ALPK1: variants seen among roughly 807,000 people sequenced by gnomAD.
The protein encoded by ALPK1 is alpha-protein kinase 1.
In ALPK1, 110 loss-of-function variants were observed where a neutral mutation model predicts 120.6. That is an observed-to-expected ratio of 0.91 (90% CI 0.78 to 1.07). The LOEUF (loss-of-function observed/expected upper bound fraction) is 1.07. Among genes scored for constraint, ALPK1 ranks in the 50% least tolerant of loss-of-function variants. ALPK1 has a pLI of 0.00. For synonymous variants in ALPK1, 582 were observed against 560.3 expected (o/e 1.04, Z -0.55); for missense variants, 1,498 against 1,483.9 (o/e 1.01, Z -0.16).
chr4:112,357,735 C>A, intron 2 of ALPK1: 1 of 1,385,092 alleles, frequency 7.2e-7, no homozygotes, highest in South Asian at 1.2e-5. Flanking sequence ...AGTGCTTGTC[C>A]TCTTTGGGGA....
At chr4:112,389,172 G>A (rs1325426654) in intron 4 of ALPK1, among the ~76,000 whole-genome samples, 1 of 151,896 alleles carries the variant, frequency 6.6e-6, no homozygotes, top group Non-Finnish European at 1.5e-5. Flanking sequence ...AGCCTCCTGA[G>A]TAGCTGGGAC....
intron 1 of ALPK1, among the ~76,000 whole-genome samples, chr4:112,300,265 AATTCAGAAAT>A (rs1275996739): frequency 1.3e-5 from 2 of 152,138 alleles, no homozygotes; most frequent in African/African-American, 4.8e-5. Context: ...TATAGATATA[AATTCAGAAAT>A]ATTCTAAAAG....
chr4:112,352,078 A>G (rs1258893572), intron 2 of ALPK1, among the ~76,000 whole-genome samples: 3 of 152,198 alleles, frequency 2.0e-5, no homozygotes, highest in African/African-American at 4.8e-5. Flanking sequence ...CCACCTCTCA[A>G]TGGAGTCCCT....
Position 112,411,953 on chromosome 4 carries a change from C to T in ALPK1, c.403C>T (p.His135Tyr). ...ACTTCTGCAGGTCGCCAAAGGTCTC[C>T]ACAAGTTGCAGCCAGCCACGCCAAT... ...GKLLQVAKGLHKLQPATPIAP... is the reference protein window; with the variant it reads ...GKLLQVAKGLYKLQPATPIAP... Residue 135 changes from histidine to tyrosine, a missense_variant, in exon 5 of 16, where the codon CAC becomes TAC. By Grantham distance (83) the His-to-Tyr change is moderately conservative. Transcript: ENST00000650871. 3 of 1,614,180 alleles carry T rather than the reference C, an allele frequency of 1.9e-6. No homozygotes were observed. The highest frequency in any genetic ancestry group is 2.5e-6 in the Non-Finnish European group (3 of 1,180,020).
intron 10 of ALPK1, among the ~76,000 whole-genome samples, chr4:112,430,018 C>T (rs561311202): frequency 2.0e-5 from 3 of 152,248 alleles, no homozygotes; most frequent in South Asian, 2.1e-4. Context: ...CAGATGCATT[C>T]GGAAACCAAT....
At chr4:112,325,657 C>G (rs1468315843) in intron 2 of ALPK1, among the ~76,000 whole-genome samples, 1 of 152,184 alleles carries the variant, frequency 6.6e-6, no homozygotes, top group Non-Finnish European at 1.5e-5. Context: ...CAACTTTTAG[C>G]CTCCCTGCCC....
chr4:112,429,298 C>T, intron 10 of ALPK1, 45 bp downstream of exon 10: 1 of 1,482,630 alleles, frequency 6.7e-7, no homozygotes, highest in Non-Finnish European at 9.2e-7. Context: ...GGACCTCTCC[C>T]AGGGTGCTTT....
intron 2 of ALPK1, chr4:112,357,290 G>A (rs1465234209): frequency 1.5e-5 from 16 of 1,059,132 alleles, no homozygotes; most frequent in African/African-American, 3.1e-5. Context: ...CAACACAGCC[G>A]GACTGCAGAA....
intron 4 of ALPK1, among the ~76,000 whole-genome samples, chr4:112,399,400 C>T (rs1409684680): frequency 5.3e-5 from 8 of 152,092 alleles, no homozygotes; most frequent in Middle Eastern, 3.4e-3. Context: ...TTGTTAGCAA[C>T]CTTGAAAAGA....
intron 2 of ALPK1, among the ~76,000 whole-genome samples, chr4:112,319,782 A>G (rs1207090145): frequency 6.6e-6 from 1 of 152,074 alleles, no homozygotes; most frequent in Non-Finnish European, 1.5e-5. Context: ...CATATTCCTA[A>G]GTAATTTATT....
Position 112,431,005 on chromosome 4 carries a change from A to G in ALPK1, c.1458A>G (p.Thr486=), listed in dbSNP as rs754677755. 2 of 1,613,460 alleles carry G rather than the reference A, an allele frequency of 1.2e-6. No individual in the cohort carries two copies. The highest frequency in any genetic ancestry group is 1.7e-6 in the Non-Finnish European group (2 of 1,179,686). The stretch of plus-strand genomic sequence containing the variant: ...AAAATGAACAGAAAGATGCAAAAAC[A>G]GGAGTCTGCATCACTGCTCTAAAAA... The part of the protein sequence containing the change: ...NNKNEQKDAK[T]GVCITALKTE... Residue 486 remains threonine, a synonymous_variant, in exon 11 of 16, where the codon ACA becomes ACG. Transcript: ENST00000650871.
intron 4 of ALPK1, among the ~76,000 whole-genome samples, chr4:112,407,171 GT>G (rs999070221): frequency 1.0e-3 from 158 of 152,152 alleles, no homozygotes; most frequent in African/African-American, 3.7e-3. Context: ...AAGGGGAGTT[GT>G]TTTTTAAGGG....
intron 1 of ALPK1, among the ~76,000 whole-genome samples, chr4:112,303,737 T>G (rs1465229563): frequency 6.6e-6 from 1 of 152,022 alleles, no homozygotes; most frequent in Non-Finnish European, 1.5e-5. Context: ...TAATCATACT[T>G]TAAGTTCTAG....
At chr4:112,435,752 T>G (rs2148765897) in intron 12 of ALPK1, among the ~76,000 whole-genome samples, 1 of 152,302 alleles carries the variant, frequency 6.6e-6, no homozygotes, top group South Asian at 2.1e-4. Context: ...TGCTGAACCC[T>G]TTAGGGATCC....
At chr4:112,388,442 C>A (rs2148732757) in intron 4 of ALPK1, among the ~76,000 whole-genome samples, 1 of 152,256 alleles carries the variant, frequency 6.6e-6, no homozygotes, top group Non-Finnish European at 1.5e-5. Context: ...CATGAATAAG[C>A]TCTTGATTAA....
At chr4:112,388,497 G>C (rs772908039) in intron 4 of ALPK1, among the ~76,000 whole-genome samples, 40 of 152,054 alleles carry the variant, frequency 2.6e-4, no homozygotes, top group African/African-American at 8.7e-4. Flanking sequence ...TCCAGGTGCC[G>C]GTTTTTATAT....
chr4:112,371,877 T>C (rs1731425259), intron 2 of ALPK1, among the ~76,000 whole-genome samples: 1 of 152,222 alleles, frequency 6.6e-6, no homozygotes, highest in South Asian at 2.1e-4. Flanking sequence ...CAAATATTAT[T>C]TGGCAATAAA....
chr4:112,394,187 A>T (rs1732550543), intron 4 of ALPK1, among the ~76,000 whole-genome samples: 1 of 152,168 alleles, frequency 6.6e-6, no homozygotes, highest in Non-Finnish European at 1.5e-5. Flanking sequence ...CTGAATCTAC[A>T]TGACTGCCTG....
In ALPK1 at chr4:112,315,795, A is replaced by G. The variant is rs1728609232; in HGVS notation, c.-152-6A>G. On this transcript the variant is annotated splice_polypyrimidine_tract_variant and splice_region_variant and intron_variant, in intron 1 of 15. Coordinates refer to ENST00000650871, the MANE Select transcript of ALPK1 (RefSeq NM_025144.4). ...TCCTCTGTTTTTATGTCTTTTTCTTAACTAGGAAGTTCTTCTAAATCAGGA... is the reference window on the plus strand; with the variant it reads ...TCCTCTGTTTTTATGTCTTTTTCTTGACTAGGAAGTTCTTCTAAATCAGGA... 1 of 152,226 alleles carries G rather than the reference A, an allele frequency of 6.6e-6. No individual in the cohort carries two copies. Among genetic ancestry groups the G allele is most frequent in the Admixed American group, 6.5e-5 (1 of 15,282 alleles). 9.4% of individuals were successfully genotyped at this position (152,226 alleles called of 1,614,324 possible).
Sources: gnomAD v4.1 joint callset for allele counts (sites outside exome capture counted in the v4.1 genomes callset) on GRCh38, gnomAD v4.1.1 for gene constraint, MANE v1.5 for transcripts, NCBI Gene and HGNC (gene_info 2026-07-23, HGNC 2026-07-21) for gene names.